ALG12: variants seen among roughly 807,000 people sequenced by gnomAD.
ALG12 encodes dol-P-Man:Man(7)GlcNAc(2)-PP-Dol alpha-1,6-mannosyltransferase.
ALG12 carries 36 observed loss-of-function variants against 46.0 expected under a neutral mutation model. The observed-to-expected ratio is 0.78, with a 90% confidence interval of 0.60 to 1.03. The LOEUF (loss-of-function observed/expected upper bound fraction) is 1.03, where lower values mean the gene tolerates loss of function less well. ALG12 is among the 50% of genes least tolerant of loss of function. ALG12 has a pLI of 0.00. For synonymous variants in ALG12, 326 were observed against 291.6 expected, an observed-to-expected ratio of 1.12 and a Z score of -1.20; for missense variants, 599 against 633.5, an observed-to-expected ratio of 0.95 and a Z score of 0.58.
rs191342997 is a variant in ALG12 at position 49,903,877 on chromosome 22, T to C, written c.1428A>G (p.Thr476=). Residue 476 remains threonine, a synonymous_variant, in exon 10 of 10, where the codon ACA becomes ACG. Coordinates refer to ENST00000330817, the MANE Select transcript of ALG12 (RefSeq NM_024105.4). The part of the protein sequence containing the change: ...QLPPFNVHLQ[T]KLVLLERLPR... ...GGAGCCTCTCCAGAAGCACCAGCTT[T>C]GTCTGCAGGTGGACGTTGAAGGGGG... The C allele has an allele frequency of 2.2e-5, 35 of 1,614,230 alleles. No individual in the cohort carries two copies. In the African/African-American group the frequency reaches 4.1e-4, roughly 19 times the overall value.
At position 49,907,774 on chromosome 22, in the gene ALG12, G is replaced by A. The variant is rs114335781; in HGVS notation, c.939C>T (p.Ile313=). 1.5e-3 allele frequency: 2,422 copies of A among 1,614,158 alleles called. 39 individuals are homozygous for A. The African/African-American group carries it at 0.029, about 20-fold the overall frequency. The change falls in exon 7 of 10, where the codon ATC becomes ATT. Residue 313 remains isoleucine, a synonymous_variant. Transcript: ENST00000330817. ...SLLPHKELRF[I]IYAFPMLNIT... ...TGTTGAGCATGGGGAAGGCATAGAT[G>A]ATGAAGCGTAGCTCCTTGTGTGGCA...
At chr22:49,868,466 C>G in the ALG12 span, among the ~76,000 whole-genome samples, 1 of 152,100 alleles carries the variant, frequency 6.6e-6, no homozygotes, top group African/African-American at 2.4e-5. Flanking sequence ...GTCATCCCAG[C>G]TACTGAGGAG....
the ALG12 span, chr22:49,883,605 A>G: frequency 2.2e-5 from 32 of 1,468,548 alleles, no homozygotes; most frequent in Admixed American, 4.8e-4. Flanking sequence ...GGCACAAATG[A>G]GCACTTGGAT....
chr22:49,875,607 T>G, the ALG12 span, among the ~76,000 whole-genome samples: 97,594 of 151,604 alleles, frequency 0.64, 35,572 homozygotes, highest in East Asian at 0.85. Flanking sequence ...TTTTAGTAGA[T>G]ACAGGGTTTC....
the ALG12 span, among the ~76,000 whole-genome samples, chr22:49,863,625 C>CAAAA: frequency 1.1e-5 from 1 of 94,326 alleles, no homozygotes; most frequent in South Asian, 3.1e-4. Flanking sequence ...GACTCCGTCT[C>CAAAA]AAAAAAAAAA....
chr22:49,907,903 G>T lies in ALG12; in HGVS notation c.810C>A (p.Arg270=). 1 of 1,613,456 alleles carries T rather than the reference G, an allele frequency of 6.2e-7. No individual in the cohort carries two copies. The highest frequency in any genetic ancestry group is 2.2e-5 in the East Asian group (1 of 44,868). The change falls in exon 7 of 10, where the codon CGC becomes CGA. Residue 270 remains arginine (R), a synonymous_variant. Coordinates refer to ENST00000330817, the MANE Select transcript of ALG12 (RefSeq NM_024105.4). ...TGAAGAGCAGGCTGCAGCCCAGGCCGCGGGGCAGGGCTGAGTAGAAGTACC... is the reference window on the plus strand; with the variant it reads ...TGAAGAGCAGGCTGCAGCCCAGGCCTCGGGGCAGGGCTGAGTAGAAGTACC... The part of the protein sequence containing the change: ...LLWYFYSALP[R]GLGCSLLFIP...
chr22:49,859,920 A>G, the ALG12 span, among the ~76,000 whole-genome samples: 2 of 150,008 alleles, frequency 1.3e-5, no homozygotes, highest in Non-Finnish European at 3.0e-5. Context: ...CCAGCTACTC[A>G]GGAGGCTGAG....
At chr22:49,865,376 G>T in the ALG12 span, among the ~76,000 whole-genome samples, 2 of 152,062 alleles carry the variant, frequency 1.3e-5, no homozygotes, top group Non-Finnish European at 2.9e-5. Context: ...GGGGCCGGGC[G>T]CAGTGGCTCA....
the ALG12 span, among the ~76,000 whole-genome samples, chr22:49,893,291 A>G: frequency 6.6e-6 from 1 of 152,224 alleles, no homozygotes; most frequent in African/African-American, 2.4e-5. Context: ...CTGTTGGGAC[A>G]TCAGCCATAG....
chr22:49,880,029 C>T, the ALG12 span, among the ~76,000 whole-genome samples: 1 of 151,860 alleles, frequency 6.6e-6, no homozygotes, highest in Non-Finnish European at 1.5e-5. Context: ...TTGTATTTTA[C>T]TTTATTGGGT....
At chr22:49,868,734 CT>C in the ALG12 span, among the ~76,000 whole-genome samples, 1 of 152,108 alleles carries the variant, frequency 6.6e-6, no homozygotes, top group African/African-American at 2.4e-5. Flanking sequence ...TCTGCAGCTA[CT>C]TCGTGCATGT....
the ALG12 span, among the ~76,000 whole-genome samples, chr22:49,865,002 G>A: frequency 7.8e-6 from 1 of 128,194 alleles, no homozygotes; most frequent in Admixed American, 1.1e-4. Context: ...TTTCTCCCCT[G>A]CAAACCCTTA....
chr22:49,873,454 G>C, the ALG12 span, among the ~76,000 whole-genome samples: 1 of 152,138 alleles, frequency 6.6e-6, no homozygotes, highest in African/African-American at 2.4e-5. Flanking sequence ...GGTGGCTCAC[G>C]TTAATTACGA....
chr22:49,912,645 C>T (rs947826666), intron 3 of ALG12, among the ~76,000 whole-genome samples: 7 of 152,206 alleles, frequency 4.6e-5, no homozygotes, highest in Non-Finnish European at 8.8e-5. Flanking sequence ...GGAAGCATGT[C>T]TGGGTATTAA....
the ALG12 span, among the ~76,000 whole-genome samples, chr22:49,868,999 C>T: frequency 6.7e-4 from 101 of 151,186 alleles, 1 homozygote; most frequent in African/African-American, 2.4e-3. Flanking sequence ...TGGTGTATGC[C>T]TGTAATCCGA....
At chr22:49,879,885 GTCTGGGCCTGTT>G in the ALG12 span, among the ~76,000 whole-genome samples, 1 of 95,902 alleles carries the variant, frequency 1.0e-5, no homozygotes, top group Non-Finnish European at 2.3e-5. Context: ...CCTGGTCAGT[GTCTGGGCCTGTT>G]TCTATTGGTT....
At chr22:49,894,343 C>G in the ALG12 span, among the ~76,000 whole-genome samples, 1 of 152,186 alleles carries the variant, frequency 6.6e-6, no homozygotes, top group Non-Finnish European at 1.5e-5. Flanking sequence ...TAGCTTTAAA[C>G]CAAATGTGTC....
At position 49,903,366 on chromosome 22, in the gene ALG12, C is replaced by T. The variant is rs1351043257; in HGVS notation, c.*472G>A. 2 of 457,328 alleles carry T rather than the reference C, an allele frequency of 4.4e-6. No individual in the cohort carries two copies. The highest frequency in any genetic ancestry group is 1.4e-4 in the East Asian group (2 of 14,590). The allele number at this position is 457,328 out of a possible 1,614,324, so 28.3% of individuals were successfully genotyped here. Reference sequence around the variant, plus strand: ...GTGGCACCAGGGTGGGGGGGTGCGGCCGGGGCCACCATGGTCTCCCCTGAG... The same window carrying T: ...GTGGCACCAGGGTGGGGGGGTGCGGTCGGGGCCACCATGGTCTCCCCTGAG... On this transcript the variant is annotated 3_prime_UTR_variant, in exon 10 of 10. Transcript: ENST00000330817.
In ALG12 at chr22:49,902,154, GGT is replaced by G. The variant is rs1331140628; in HGVS notation, c.*1682_*1683del. The G allele has an allele frequency of 7.9e-5, 11 of 139,424 alleles. No homozygotes were observed. The highest frequency in any genetic ancestry group is 2.4e-4 in the African/African-American group (8 of 34,016). 8.6% of individuals were successfully genotyped at this position (139,424 alleles called of 1,614,324 possible). On this transcript the variant is annotated 3_prime_UTR_variant, in exon 10 of 10. Coordinates refer to ENST00000330817, the MANE Select transcript of ALG12 (RefSeq NM_024105.4). ...TGCACTGTGTGTGGTGTGTATGCAT[GGT>G]GTGTGCACGTGTGCACTGTGTGTGG...
Sources: allele counts gnomAD v4.1 joint callset (sites outside exome capture counted in the v4.1 genomes callset), GRCh38; gene constraint gnomAD v4.1.1; transcripts MANE v1.5; gene names NCBI Gene and HGNC (gene_info 2026-07-23, HGNC 2026-07-21).